Variants in BICDL1 observed in about 807,000 individuals in gnomAD.
BICDL1 encodes BICD family like cargo adaptor 1, also known as BICD family-like cargo adapter 1.
BICDL1 carries 20 observed loss-of-function variants against 76.8 expected under a neutral mutation model. The observed-to-expected ratio is 0.26, with a 90% CI of 0.18 to 0.38. The LOEUF is 0.38. BICDL1 is among the 10% of genes least tolerant of loss of function. The pLI is 1.00. For synonymous variants in BICDL1, 383 were observed against 337.1 expected, an observed-to-expected ratio of 1.14 and a Z score of -1.49; for missense variants, 700 against 798.6, an observed-to-expected ratio of 0.88 and a Z score of 1.49.
intron 2 of BICDL1, among the ~76,000 whole-genome samples, chr12:120,033,446 G>A (rs1051386947): frequency 5.7e-5 from 8 of 140,588 alleles, no homozygotes; most frequent in African/African-American, 1.1e-4. Flanking sequence ...GCATGATCTC[G>A]GCTCACTGCA....
At chr12:120,064,568 C>A in intron 3 of BICDL1, 165 bp from the exon 4 acceptor site, 1 of 566,500 alleles carries the variant, frequency 1.8e-6, no homozygotes, top group East Asian at 3.7e-5. Context: ...GGGGTTTTCT[C>A]TTCAGCTTAG....
intron 7 of BICDL1, among the ~76,000 whole-genome samples, chr12:120,078,358 G>A (rs1346071457): frequency 6.6e-6 from 1 of 152,234 alleles, no homozygotes; most frequent in Non-Finnish European, 1.5e-5. Flanking sequence ...GAACAAAAGA[G>A]CAAATTAAGC....
At position 120,025,781 on chromosome 12, in the gene BICDL1, ATAT is replaced by A. The variant is rs749274694; in HGVS notation, c.645+27048_645+27050del. Among the ~76,000 whole-genome samples the A allele has an allele frequency of 2.0e-5, 3 of 152,286 alleles. 1 individual carries two copies. Among genetic ancestry groups the A allele is most frequent in the Non-Finnish European group, 4.4e-5 (3 of 68,012 alleles). On this transcript the variant is annotated intron_variant, in intron 2 of 9. Transcript: ENST00000548673. ...ATTATTTTTCATTTTTGTATGTGAAATATTAATAGTATTGTGGTATATATTTCT... is the reference window on the plus strand; with the variant it reads ...ATTATTTTTCATTTTTGTATGTGAAATAATAGTATTGTGGTATATATTTCT...
chr12:120,047,501 C>T (rs1851779276), intron 2 of BICDL1, among the ~76,000 whole-genome samples: 1 of 152,138 alleles, frequency 6.6e-6, no homozygotes, highest in Non-Finnish European at 1.5e-5. Context: ...CAGATTATCT[C>T]TGAAGTTTCA....
intron 2 of BICDL1, among the ~76,000 whole-genome samples, chr12:120,018,575 G>C (rs1409079126): frequency 6.6e-6 from 1 of 152,150 alleles, no homozygotes; most frequent in African/African-American, 2.4e-5. Context: ...AATGAATGCA[G>C]GTTTTGGCAC....
At chr12:119,999,910 A>C in intron 2 of BICDL1, 1 of 319,528 alleles carries the variant, frequency 3.1e-6, no homozygotes, top group East Asian at 9.0e-5. Flanking sequence ...CCGTGTCTGC[A>C]TGGTTAGTGT....
At position 120,058,595 on chromosome 12, in the gene BICDL1, T is replaced by C. The variant is rs1953033032; in HGVS notation, c.646-3115T>C. On this transcript the variant is annotated intron_variant, in intron 2 of 9. Transcript: ENST00000548673. ...CCTTCTGTTAAAATTTTTTTCTTTT[T>C]TTTTTTTTTTTTTGAGACAGAGTCT... is the stretch of plus-strand genomic sequence containing the variant. 2.0e-5 allele frequency among the ~76,000 whole-genome samples: 3 copies of C among 150,710 alleles called. No homozygotes were observed. The South Asian group carries it at 6.3e-4, about 32-fold the overall frequency.
chr12:120,016,393 A>G (rs1019807746), intron 2 of BICDL1, among the ~76,000 whole-genome samples: 2 of 147,750 alleles, frequency 1.4e-5, no homozygotes, highest in Non-Finnish European at 3.0e-5. Context: ...TCTTTTGGGT[A>G]GATATTTAGG....
chr12:119,995,633 T>C (rs1215104661), intron 1 of BICDL1, among the ~76,000 whole-genome samples: 3 of 152,216 alleles, frequency 2.0e-5, no homozygotes, highest in African/African-American at 7.2e-5. Flanking sequence ...TATCACAATT[T>C]TAGGATTGCA....
rs1365878023 is a variant in BICDL1 at position 120,027,159 on chromosome 12, T to G, written c.645+28423T>G. ...GATTCTCGTGCCTCAGCCTCCCGAG[T>G]AGCTGGGATTACAGGTGCACACCAC... On this transcript the variant is annotated intron_variant, in intron 2 of 9. Transcript: ENST00000548673. 5.3e-5 allele frequency among the ~76,000 whole-genome samples: 8 copies of G among 151,068 alleles called. No homozygotes were observed. The Admixed American group carries it at 5.3e-4, about 10-fold the overall frequency.
chr12:120,007,029 T>C (rs76478905), intron 2 of BICDL1, among the ~76,000 whole-genome samples: 8,423 of 152,026 alleles, frequency 0.055, 465 homozygotes, highest in African/African-American at 0.14. Context: ...GTTTTGAAGG[T>C]AGAACTGACA....
At chr12:120,062,715 C>A (rs528070159) in intron 3 of BICDL1, among the ~76,000 whole-genome samples, 2 of 152,312 alleles carry the variant, frequency 1.3e-5, no homozygotes, top group Non-Finnish European at 2.9e-5. Context: ...TCCCTTCCTT[C>A]CCCCTTTCCC....
In BICDL1 at chr12:120,080,956, G is replaced by A. The variant is rs1873922979; in HGVS notation, c.1522G>A (p.Asp508Asn). The A allele has an allele frequency of 9.3e-6, 15 of 1,613,868 alleles. No individual in the cohort carries two copies. Among genetic ancestry groups the A allele is most frequent in the Non-Finnish European group, 1.3e-5 (15 of 1,179,928 alleles). Residue 508 changes from aspartate (D) to asparagine (N), a missense_variant, in exon 8 of 10, where the codon GAC becomes AAC. Physicochemically the swap from Asp to Asn is conservative, Grantham distance 23 (BLOSUM62 1). This residue lies in a region of BICDL1 where 455 missense variants were observed against 548.7 expected (regional missense o/e 0.83). Transcript: ENST00000548673. ...ERDRLRVTSE[D>N]KEPKEQLQKA... Reference sequence around the variant, plus strand: ...AGACCGACTCAGAGTCACTTCTGAGGACAAGGAGCCAAAGGAGCAGCTTCA... The same window carrying A: ...AGACCGACTCAGAGTCACTTCTGAGAACAAGGAGCCAAAGGAGCAGCTTCA...
intron 4 of BICDL1, among the ~76,000 whole-genome samples, chr12:120,069,779 C>A (rs770901910): frequency 7.2e-5 from 11 of 152,112 alleles, no homozygotes; most frequent in Non-Finnish European, 1.2e-4. Flanking sequence ...ACCTGTGTAA[C>A]CACCATGGAG....
intron 2 of BICDL1, among the ~76,000 whole-genome samples, chr12:120,043,768 A>T (rs1423364625): frequency 1.3e-5 from 2 of 152,258 alleles, no homozygotes; most frequent in Non-Finnish European, 2.9e-5. Flanking sequence ...TTTTGCAAGA[A>T]GCCCTCACTT....
At position 120,074,487 on chromosome 12, in the gene BICDL1, G is replaced by T; in HGVS notation, c.1353G>T (p.Arg451Ser). 1 of 1,276,196 alleles carries T rather than the reference G, an allele frequency of 7.8e-7. No individual in the cohort carries two copies. The highest frequency in any genetic ancestry group is 1.3e-5 in the South Asian group (1 of 78,784). 79.1% of individuals were successfully genotyped at this position (1,276,196 alleles called of 1,614,324 possible). Residue 451 changes from arginine (R) to serine (S), a missense_variant, in exon 7 of 10, where the codon AGG (arginine) becomes AGT (serine). Coordinates refer to ENST00000548673, the MANE Select transcript of BICDL1 (RefSeq NM_001367886.1). ...ATGACTCCTTAGAAGAACAGATAAG[G>T]CAGACCAGTGAGGACTCGAGAGCCC... is the stretch of plus-strand genomic sequence containing the variant. ...LDDDSLEEQI[R>S]QTSEDSRALR...
chr12:120,059,261 A>ATTTG (rs1046140871), intron 2 of BICDL1, among the ~76,000 whole-genome samples: 13 of 151,778 alleles, frequency 8.6e-5, no homozygotes, highest in East Asian at 5.8e-4. Flanking sequence ...TGCCCGGTTA[A>ATTTG]TTTGTTTGTT....
At chr12:120,090,215 A>G in intron 9 of BICDL1, 144 bp downstream of exon 9, 1 of 927,240 alleles carries the variant, frequency 1.1e-6, no homozygotes, top group Non-Finnish European at 1.6e-6. Context: ...GGCAAGATCC[A>G]GAGCTCATGT....
chr12:120,027,692 A>G (rs1033190410), intron 2 of BICDL1, among the ~76,000 whole-genome samples: 8 of 152,354 alleles, frequency 5.3e-5, no homozygotes, highest in African/African-American at 1.9e-4. Flanking sequence ...TCTGCAGGTG[A>G]TGATGAAAAT....
Sources: allele counts gnomAD v4.1 joint callset (sites outside exome capture counted in the v4.1 genomes callset), GRCh38; gene constraint gnomAD v4.1.1; regional missense constraint gnomAD v4.1.1; transcripts MANE v1.5; gene names NCBI Gene and HGNC (gene_info 2026-07-23, HGNC 2026-07-21).